Variants in DPYD observed in about 807,000 individuals in gnomAD.
DPYD encodes the protein dihydropyrimidine dehydrogenase.
A neutral mutation model predicts 116.2 loss-of-function variants in DPYD; 109 were observed. That is an observed-to-expected ratio of 0.94 (90% CI 0.80 to 1.10). DPYD has a LOEUF of 1.10. Among genes scored for constraint, DPYD ranks in the 50% least tolerant of loss-of-function variants. The pLI, the probability that DPYD is intolerant of heterozygous loss-of-function variation, is 0.00. For missense variants in DPYD, 1,302 were observed against 1,254.5 expected (o/e 1.04, Z -0.57); for synonymous variants, 440 against 432.0 (o/e 1.02, Z -0.23).
chr1:97,249,697 T>C (rs1662956382), intron 18 of DPYD, among the ~76,000 whole-genome samples: 1 of 152,118 alleles, frequency 6.6e-6, no homozygotes, highest in Admixed American at 6.5e-5. Flanking sequence ...CACATATATT[T>C]TAAAACGAAC....
intron 14 of DPYD, among the ~76,000 whole-genome samples, chr1:97,447,403 T>A (rs1043260722): frequency 6.6e-6 from 1 of 152,206 alleles, no homozygotes; most frequent in Non-Finnish European, 1.5e-5. Context: ...GACTGTCTAC[T>A]CTCAGCATGG....
At chr1:97,239,520 C>A (rs1662183868) in intron 18 of DPYD, among the ~76,000 whole-genome samples, 1 of 151,910 alleles carries the variant, frequency 6.6e-6, no homozygotes, top group South Asian at 2.1e-4. Context: ...TATATCTACG[C>A]TTGACTCACA....
chr1:97,893,402 T>C (rs1310364253), intron 1 of DPYD, among the ~76,000 whole-genome samples: 1 of 132,348 alleles, frequency 7.6e-6, no homozygotes, highest in African/African-American at 2.8e-5. Flanking sequence ...GGTCATGAAA[T>C]TCAAAAACAG....
At chr1:97,572,127 T>C (rs1276471203) in intron 11 of DPYD, among the ~76,000 whole-genome samples, 1 of 151,974 alleles carries the variant, frequency 6.6e-6, no homozygotes, top group Non-Finnish European at 1.5e-5. Context: ...TTTCCTTGAC[T>C]TCTCTAAATT....
At chr1:97,354,831 A>C (rs1023907148) in intron 16 of DPYD, among the ~76,000 whole-genome samples, 2 of 152,182 alleles carry the variant, frequency 1.3e-5, no homozygotes, top group Admixed American at 6.5e-5. Context: ...ATCTATCCCC[A>C]AATTATTTAC....
At chr1:97,608,329 C>A (rs373996866) in intron 8 of DPYD, among the ~76,000 whole-genome samples, 1 of 152,040 alleles carries the variant, frequency 6.6e-6, no homozygotes, top group East Asian at 1.9e-4. Context: ...TATTCTCTTA[C>A]AATCTTAAAT....
At chr1:97,471,681 C>A (rs548703614) in intron 13 of DPYD, among the ~76,000 whole-genome samples, 2 of 151,848 alleles carry the variant, frequency 1.3e-5, no homozygotes, top group East Asian at 3.9e-4. Flanking sequence ...CTCAGCCTGC[C>A]GGGTCCAAGC....
intron 10 of DPYD, among the ~76,000 whole-genome samples, chr1:97,582,224 C>T (rs1267822440): frequency 6.6e-6 from 1 of 152,174 alleles, no homozygotes; most frequent in African/African-American, 2.4e-5. Context: ...GACTTAGAGA[C>T]CACATGTTAA....
At chr1:97,481,412 T>C (rs1246497356) in intron 13 of DPYD, among the ~76,000 whole-genome samples, 2 of 152,180 alleles carry the variant, frequency 1.3e-5, no homozygotes, top group African/African-American at 2.4e-5. Context: ...ACATTGAAAA[T>C]ATATATACTT....
At position 97,573,953 on chromosome 1, in the gene DPYD, T is replaced by A. The variant is rs1468694722; in HGVS notation, c.1146A>T (p.Glu382Asp). ...GGAATGGCAGAAATTCACACTTTTC[T>A]TCCTTAGCAAGTTCCATCTAAAACA... The part of the protein sequence containing the change: ...AVPEEMELAK[E>D]EKCEFLPFLS... Residue 382 changes from glutamate (E) to aspartate (D), a missense_variant, in exon 11 of 23, where the codon GAA (glutamate) becomes GAT (aspartate). Coordinates refer to ENST00000370192, the MANE Select transcript of DPYD (RefSeq NM_000110.4). The A allele has an allele frequency of 6.2e-7, 1 of 1,613,540 alleles. No homozygotes were observed. The highest frequency in any genetic ancestry group is 2.2e-5 in the East Asian group (1 of 44,846).
chr1:97,576,153 C>A lies in DPYD; in HGVS notation c.1129-2183G>T, dbSNP rs535958986. On this transcript the variant is annotated intron_variant, in intron 10 of 22. Coordinates refer to ENST00000370192, the MANE Select transcript of DPYD (RefSeq NM_000110.4). ...AATATGTAAAATATGTTTTCTGTAT[C>A]GCTTTTGTCATATTTGTGCCACATA... is the stretch of plus-strand genomic sequence containing the variant. 1.3e-3 allele frequency among the ~76,000 whole-genome samples: 199 copies of A among 152,194 alleles called. 2 individuals carry two copies. Among genetic ancestry groups the A allele is most frequent in the Non-Finnish European group, 2.5e-3 (167 of 67,964 alleles).
chr1:97,316,818 C>A (rs1196860192), intron 16 of DPYD, among the ~76,000 whole-genome samples: 1 of 151,858 alleles, frequency 6.6e-6, no homozygotes, highest in African/African-American at 2.4e-5. Context: ...ACCTTGCACC[C>A]AAAATTGATC....
At chr1:97,816,755 A>G (rs758675310) in intron 3 of DPYD, among the ~76,000 whole-genome samples, 4 of 152,148 alleles carry the variant, frequency 2.6e-5, no homozygotes, top group African/African-American at 4.8e-5. Context: ...GTGATTTCAC[A>G]AGCTAGATTG....
At chr1:97,093,959 A>G (rs1650057185) in intron 21 of DPYD, among the ~76,000 whole-genome samples, 1 of 151,884 alleles carries the variant, frequency 6.6e-6, no homozygotes, top group Non-Finnish European at 1.5e-5. Flanking sequence ...AGCTTCAGCT[A>G]TTCTCTCCCA....
intron 13 of DPYD, among the ~76,000 whole-genome samples, chr1:97,489,706 C>A (rs1361680423): frequency 6.6e-6 from 1 of 152,154 alleles, no homozygotes; most frequent in Non-Finnish European, 1.5e-5. Flanking sequence ...TTACATGCTA[C>A]AAGAGTACTT....
chr1:97,275,372 C>A (rs1333173776), intron 18 of DPYD, among the ~76,000 whole-genome samples: 2 of 152,106 alleles, frequency 1.3e-5, no homozygotes, highest in Non-Finnish European at 2.9e-5. Flanking sequence ...TTGACAGGTA[C>A]CAAATTTTCT....
rs888137094 is a variant in DPYD, at chr1:97,105,130, T to C, written c.2623-6498A>G. ...TCTCTCTTTAAAAACTGTCATTTTTTAAAGTAAGTATTTTTGAAGAAATAC... is the reference window on the plus strand; with the variant it reads ...TCTCTCTTTAAAAACTGTCATTTTTCAAAGTAAGTATTTTTGAAGAAATAC... On this transcript the variant is annotated intron_variant, in intron 20 of 22. Transcript: ENST00000370192. Among the ~76,000 whole-genome samples, 8 of 152,276 alleles carry C rather than the reference T, an allele frequency of 5.3e-5. No homozygotes were observed. In the East Asian group the frequency reaches 1.2e-3, roughly 22 times the overall value.
rs1249429607 is a variant in DPYD, at chr1:97,082,441, A to T, written c.2796T>A (p.Leu932=). 1.9e-6 allele frequency: 3 copies of T among 1,613,618 alleles called. No homozygotes were observed. The East Asian group carries it at 6.7e-5, about 36-fold the overall frequency. The change falls in exon 22 of 23, where the codon CTT becomes CTA. Residue 932 remains leucine (L), a synonymous_variant. Transcript: ENST00000370192. ...KDVIGKALQY[L]GTFGELSNVE... is the part of the protein sequence containing the mutation. ...CGTTGCTCAATTCACCAAATGTTCC[A>T]AGGTACTGCAGTGCTTTTCCTATTA...
Position 97,078,868 on chromosome 1 carries a change from T to C in DPYD, c.*108A>G. On this transcript the variant is annotated 3_prime_UTR_variant, in exon 23 of 23. Transcript: ENST00000370192. ...AAATTACATATTTTTATTTAGAAAA[T>C]GTATATTTGTTTTAATTTGGAAAGA... 3 of 1,279,960 alleles carry C rather than the reference T, an allele frequency of 2.3e-6. No individual in the cohort carries two copies. The highest frequency in any genetic ancestry group is 3.4e-6 in the Non-Finnish European group (3 of 886,594). The allele number at this position is 1,279,960 out of a possible 1,614,324, so 79.3% of individuals were successfully genotyped here. A position where few individuals can be genotyped will look rare whatever the true frequency, so the allele number is the denominator to read the frequency against.
Sources: allele counts gnomAD v4.1 joint callset (sites outside exome capture counted in the v4.1 genomes callset), GRCh38; gene constraint gnomAD v4.1.1; transcripts MANE v1.5; gene names NCBI Gene and HGNC (gene_info 2026-07-23, HGNC 2026-07-21).